Variants in PRDM8 observed in about 807,000 individuals in gnomAD.
PRDM8 encodes the protein PR domain zinc finger protein 8.
In PRDM8, 13 loss-of-function variants were observed where a neutral mutation model predicts 46.5. That is an observed-to-expected ratio of 0.28 (90% CI 0.18 to 0.44). The LOEUF (loss-of-function observed/expected upper bound fraction) is 0.44, where lower values mean the gene tolerates loss of function less well. Ranked by LOEUF, PRDM8 falls within the 20% of genes least tolerant of loss-of-function variation. PRDM8 has a pLI of 1.00. For synonymous variants in PRDM8, 473 were observed against 438.4 expected (o/e 1.08, Z -0.98); for missense variants, 998 against 955.0 (o/e 1.04, Z -0.59).
At chr4:80,199,709 A>ATATGTGTGTGTGTG (rs370819149) in intron 1 of PRDM8, among the ~76,000 whole-genome samples, 2 of 132,974 alleles carry the variant, frequency 1.5e-5, no homozygotes, top group African/African-American at 5.8e-5. Flanking sequence ...ATATATATAT[A>ATATGTGTGTGTGTG]TGTGTGTGTG....
intron 1 of PRDM8, among the ~76,000 whole-genome samples, chr4:80,186,452 A>AGAGAGAGAGAGAGAGAGG (rs1383971149): frequency 1.3e-5 from 2 of 151,732 alleles, no homozygotes; most frequent in African/African-American, 4.8e-5. Flanking sequence ...AGAGAGAGAG[A>AGAGAGAGAGAGAGAGAGG]GAGATTGATT....
Position 80,203,393 on chromosome 4 carries a change from T to C in PRDM8, c.1931T>C (p.Met644Thr). 1 of 1,613,972 alleles carries C rather than the reference T, an allele frequency of 6.2e-7. No homozygotes were observed. The highest frequency in any genetic ancestry group is 8.5e-7 in the Non-Finnish European group (1 of 1,179,980). ...ATGACCTCCGACCTGGTGTACCATA[T>C]GAGGTCGCACCACAAAAAGGAGTAT... ...FRMTSDLVYH[M>T]RSHHKKEYAM... Residue 644 changes from methionine (M) to threonine (T), a missense_variant, in exon 4 of 4, where the codon ATG becomes ACG. By Grantham distance (81) the Met-to-Thr change is moderately conservative (BLOSUM62 -1). Transcript: ENST00000415738.
At position 80,200,139 on chromosome 4, in the gene PRDM8, A is replaced by G. The variant is rs1229089672; in HGVS notation, c.59A>G (p.Gln20Arg). 1 of 1,613,990 alleles carries G rather than the reference A, an allele frequency of 6.2e-7. No individual in the cohort carries two copies. Among genetic ancestry groups the G allele is most frequent in the East Asian group, 2.2e-5 (1 of 44,880 alleles). Residue 20 changes from glutamine (Q) to arginine (R), a missense_variant, in exon 2 of 4, where the codon CAA becomes CGA. Transcript: ENST00000415738. Reference sequence around the variant, plus strand: ...GATGGAGATGCCAAGGCTGTCCAACAATGTCTGACAGATATTTTTACCAGC... The same window carrying G: ...GATGGAGATGCCAAGGCTGTCCAACGATGTCTGACAGATATTTTTACCAGC... ...IWDGDAKAVQ[Q>R]CLTDIFTSVY... is the part of the protein sequence containing the mutation.
chr4:80,199,528 C>A (rs573763208), intron 1 of PRDM8, among the ~76,000 whole-genome samples: 1 of 152,220 alleles, frequency 6.6e-6, no homozygotes, highest in African/African-American at 2.4e-5. Context: ...CCATGCTCCG[C>A]TGTCTCCGCC....
chr4:80,185,715 G>T (rs1182889761), intron 1 of PRDM8, among the ~76,000 whole-genome samples: 2 of 152,218 alleles, frequency 1.3e-5, no homozygotes, highest in African/African-American at 2.4e-5. Flanking sequence ...GATGAGTTCA[G>T]AGTTTGATCC....
At chr4:80,186,336 T>C (rs1479217237) in intron 1 of PRDM8, among the ~76,000 whole-genome samples, 1 of 151,586 alleles carries the variant, frequency 6.6e-6, no homozygotes, top group Non-Finnish European at 1.5e-5. Flanking sequence ...AGCCTTTCCT[T>C]CCTCTTTCCA....
At chr4:80,198,477 A>C (rs936496594) in intron 1 of PRDM8, among the ~76,000 whole-genome samples, 1 of 152,226 alleles carries the variant, frequency 6.6e-6, no homozygotes, top group Non-Finnish European at 1.5e-5. Context: ...AATGTATTTT[A>C]ATTTGAAATG....
Position 80,203,659 on chromosome 4 carries a change from C to T in PRDM8, c.*127C>T. The stretch of plus-strand genomic sequence containing the variant: ...CCTGCACAAAGACACATACATTCAC[C>T]GCCCCCCCGCCCCCCCAACGCGCAC... On this transcript the variant is annotated 3_prime_UTR_variant, in exon 4 of 4. Transcript: ENST00000415738. 3 of 1,408,766 alleles carry T rather than the reference C, an allele frequency of 2.1e-6. No homozygotes were observed. Among genetic ancestry groups the T allele is most frequent in the East Asian group, 2.6e-5 (1 of 38,952 alleles). The allele number at this position is 1,408,766 out of a possible 1,614,324, so 87.3% of individuals were successfully genotyped here.
At chr4:80,197,128 G>A (rs115557995), upstream of PRDM8, 829 of 985,452 alleles carry the variant, frequency 8.4e-4, 5 homozygotes, top group African/African-American at 0.014. Flanking sequence ...AAATACGCAC[G>A]GGGTCCGCAC....
chr4:80,186,141 G>A (rs545124406), intron 1 of PRDM8, among the ~76,000 whole-genome samples: 4 of 152,162 alleles, frequency 2.6e-5, no homozygotes, highest in African/African-American at 9.7e-5. Flanking sequence ...AGCTTTTCCC[G>A]TTTGGTATAG....
upstream of PRDM8, among the ~76,000 whole-genome samples, chr4:80,196,762 C>T (rs1737994003): frequency 6.6e-6 from 1 of 152,016 alleles, no homozygotes; most frequent in African/African-American, 2.4e-5. Flanking sequence ...AAAACAGGAA[C>T]TGTTTGAGTC....
chr4:80,188,429 C>A (rs180693177), intron 1 of PRDM8, among the ~76,000 whole-genome samples: 80 of 152,342 alleles, frequency 5.3e-4, no homozygotes, highest in Non-Finnish European at 1.0e-3. Context: ...CTAACTAACT[C>A]AAGCAAGTGG....
chr4:80,189,309 TC>T (rs1737364461), intron 1 of PRDM8, among the ~76,000 whole-genome samples: 1 of 152,054 alleles, frequency 6.6e-6, no homozygotes, highest in Non-Finnish European at 1.5e-5. Context: ...CCTTGGCGCC[TC>T]TACCAGGCCT....
intron 1 of PRDM8, among the ~76,000 whole-genome samples, chr4:80,199,590 C>T (rs1378990324): frequency 6.6e-6 from 1 of 151,966 alleles, no homozygotes; most frequent in Non-Finnish European, 1.5e-5. Flanking sequence ...AATCAGCTCC[C>T]GGGCACCCAG....
At chr4:80,195,274 G>T (rs182508219), upstream of PRDM8, among the ~76,000 whole-genome samples, 54 of 152,242 alleles carry the variant, frequency 3.5e-4, no homozygotes, top group African/African-American at 1.3e-3. Context: ...GGGACCACAT[G>T]ACTCTCTTAT....
chr4:80,195,928 C>CACACACACACAGAGAGAGAGAGAGAG (rs373592223), upstream of PRDM8: 1 of 139,878 alleles, frequency 7.1e-6, no homozygotes, highest in Non-Finnish European at 1.3e-5. Context: ...CACACACACA[C>CACACACACACAGAGAGAGAGAGAGAG]AGAGAGAGAG....
rs1350165166 is a variant in PRDM8, at chr4:80,203,943, T to TA, written c.*412dup. 1 of 154,978 alleles carries TA rather than the reference T, an allele frequency of 6.5e-6. No individual in the cohort carries two copies. The highest frequency in any genetic ancestry group is 6.4e-5 in the Admixed American group (1 of 15,546). The allele number at this position is 154,978 out of a possible 1,614,324, so 9.6% of individuals were successfully genotyped here. A position where few individuals can be genotyped will look rare whatever the true frequency, so the allele number is the denominator to read the frequency against. The stretch of plus-strand genomic sequence containing the variant: ...GTTTCTACTTAAATTATTAAGCACT[T>TA]ACGATTTAGATGTAATAATTATATG... On this transcript the variant is annotated 3_prime_UTR_variant, in exon 4 of 4. Transcript: ENST00000415738.
intron 2 of PRDM8, among the ~76,000 whole-genome samples, chr4:80,192,139 T>C (rs1200026710): frequency 1.3e-5 from 2 of 152,190 alleles, no homozygotes; most frequent in Non-Finnish European, 2.9e-5. Context: ...TGCCTAGACC[T>C]CTTTCCCAGA....
chr4:80,197,812 TGG>T, intron 1 of PRDM8, 49 bp downstream of exon 1: 2 of 978,392 alleles, frequency 2.0e-6, no homozygotes, highest in Non-Finnish European at 2.4e-6. Context: ...GAAGACAGTT[TGG>T]TGGAAAGAGT....
Sources: allele counts gnomAD v4.1 joint callset (sites outside exome capture counted in the v4.1 genomes callset), GRCh38; gene constraint gnomAD v4.1.1; transcripts MANE v1.5; gene names NCBI Gene and HGNC (gene_info 2026-07-23, HGNC 2026-07-21).